MKRN1: variants seen among roughly 807,000 people sequenced by gnomAD.
MKRN1 encodes makorin ring finger protein 1.
MKRN1 carries 9 observed loss-of-function variants against 55.5 expected under a neutral mutation model. That is an observed-to-expected ratio of 0.16 (90% CI 0.10 to 0.28). The LOEUF is 0.28. MKRN1 is among the 10% of genes least tolerant of loss of function. MKRN1 has a pLI of 1.00. For synonymous variants in MKRN1, 253 were observed against 235.9 expected (o/e 1.07, Z -0.66); for missense variants, 488 against 626.7 (o/e 0.78, Z 2.36).
rs569389461 is a variant in MKRN1, at chr7:140,455,346, G to T, written c.1098-113C>A. On this transcript the variant is annotated intron_variant, in intron 6 of 7. Transcript: ENST00000255977. ...GATAGAACCAGTATGTCAGCTTACA[G>T]CCCTCCCCAAGATGTGTTCTTATAA... 12 of 1,316,590 alleles carry T rather than the reference G, an allele frequency of 9.1e-6. No homozygotes were observed. In the Admixed American group the frequency reaches 1.5e-4, roughly 16 times the overall value. The allele number at this position is 1,316,590 out of a possible 1,614,324, so 81.6% of individuals were successfully genotyped here.
chr7:140,461,515 A>G (rs1470478310), intron 2 of MKRN1, among the ~76,000 whole-genome samples: 2 of 151,090 alleles, frequency 1.3e-5, no homozygotes, highest in African/African-American at 4.9e-5. Context: ...CACCTGTAAT[A>G]CCAGCTACTC....
At chr7:140,455,333 A>G (rs1794437226) in intron 6 of MKRN1, 100 bp from the exon 7 acceptor site, 2 of 1,449,512 alleles carry the variant, frequency 1.4e-6, no homozygotes, top group South Asian at 1.3e-5. Context: ...TAGAACCAGT[A>G]TGTCAGCTTA....
At chr7:140,463,413 TTACA>T (rs1794677866) in intron 2 of MKRN1, among the ~76,000 whole-genome samples, 1 of 152,204 alleles carries the variant, frequency 6.6e-6, no homozygotes, top group Non-Finnish European at 1.5e-5. Flanking sequence ...CTCTTCAGAC[TTACA>T]TACAATTTTA....
chr7:140,455,047 A>G, intron 7 of MKRN1, 48 bp downstream of exon 7: 1 of 1,607,938 alleles, frequency 6.2e-7, no homozygotes, highest in Non-Finnish European at 8.5e-7. Context: ...GCAGGACTCA[A>G]CTGATACCTT....
rs1455208261 is a variant in MKRN1 at position 140,455,881 on chromosome 7, T to C, written c.1006A>G (p.Ile336Val). The C allele has an allele frequency of 6.2e-7, 1 of 1,613,928 alleles. No homozygotes were observed. Among genetic ancestry groups the C allele is most frequent in the East Asian group, 2.2e-5 (1 of 44,890 alleles). Residue 336 changes from isoleucine to valine, a missense_variant, in exon 6 of 8, where the codon ATC becomes GTC. Physicochemically the swap from Ile to Val is conservative, Grantham distance 29 (BLOSUM62 3). This residue lies in a region of MKRN1 where 278 missense variants were observed against 406.7 expected (regional missense o/e 0.68). Transcript: ENST00000255977. ...CTTGGAATGACAAAGTTAGATGTGA[T>C]CCGGCATTCTGGGCAGGACCTGGGA... ...KIIKSCPECR[I>V]TSNFVIPSEY...
chr7:140,454,841 T>C, intron 7 of MKRN1, 112 bp from the exon 8 acceptor site: 2 of 1,178,826 alleles, frequency 1.7e-6, no homozygotes, highest in Non-Finnish European at 2.4e-6. Flanking sequence ...ACCAGACTTC[T>C]TAGTTAGGGT....
intron 6 of MKRN1, 101 bp from the exon 7 acceptor site, chr7:140,455,334 T>G (rs550769125): frequency 6.9e-7 from 1 of 1,451,546 alleles, no homozygotes; most frequent in Non-Finnish European, 9.4e-7. Context: ...AGAACCAGTA[T>G]GTCAGCTTAC....
chr7:140,463,735 A>T (rs1233916339), intron 2 of MKRN1, among the ~76,000 whole-genome samples: 1 of 151,972 alleles, frequency 6.6e-6, no homozygotes, highest in Non-Finnish European at 1.5e-5. Context: ...AATACAAAAA[A>T]TTAGCCGGGC....
chr7:140,469,458 GACTTAGTA>G (rs1315202766), intron 2 of MKRN1, among the ~76,000 whole-genome samples: 2 of 152,154 alleles, frequency 1.3e-5, no homozygotes. Flanking sequence ...ATGTGGGCTG[GACTTAGTA>G]ACTTAGTCCA....
rs1159479204 is a variant in MKRN1, at chr7:140,454,171, T to C, written c.*346A>G. 3.2e-6 allele frequency: 1 copy of C among 315,874 alleles called. No homozygotes were observed. The highest frequency in any genetic ancestry group is 2.1e-5 in the African/African-American group (1 of 46,794). The allele number at this position is 315,874 out of a possible 1,614,324, so 19.6% of individuals were successfully genotyped here. A position where few individuals can be genotyped will look rare whatever the true frequency, so the allele number is the denominator to read the frequency against. On this transcript the variant is annotated 3_prime_UTR_variant, in exon 8 of 8. Coordinates refer to ENST00000255977, the MANE Select transcript of MKRN1 (RefSeq NM_013446.4). ...GACCCCAAAGCAGGGCCACTGCTTT[T>C]ACTTTTGAACCTGGGGTCCTCAAAA...
At position 140,459,773 on chromosome 7, in the gene MKRN1, C is replaced by T; in HGVS notation, c.478G>A (p.Gly160Arg). ...ESRNSNFATV[G>R]AGSEDWVNAI... ...TTCACCCAGTCCTCTGAACCTGCTCCTACAGTTGCAAAGTTTGAATTTCTT... is the reference window on the plus strand; with the variant it reads ...TTCACCCAGTCCTCTGAACCTGCTCTTACAGTTGCAAAGTTTGAATTTCTT... The change falls in exon 3 of 8, where the codon GGA becomes AGA. Residue 160 changes from glycine to arginine, a missense_variant. Physicochemically the swap from Gly to Arg is moderately radical, Grantham distance 125. Coordinates refer to ENST00000255977, the MANE Select transcript of MKRN1 (RefSeq NM_013446.4). 1.9e-6 allele frequency: 3 copies of T among 1,613,922 alleles called. No homozygotes were observed. The highest frequency in any genetic ancestry group is 2.5e-6 in the Non-Finnish European group (3 of 1,179,858).
At chr7:140,464,699 C>G (rs1163696492) in intron 2 of MKRN1, among the ~76,000 whole-genome samples, 1 of 151,120 alleles carries the variant, frequency 6.6e-6, no homozygotes, top group Non-Finnish European at 1.5e-5. Context: ...GAGTGAAACT[C>G]AGTCTCAAAA....
chr7:140,474,926 C>T (rs1022392709), intron 1 of MKRN1, among the ~76,000 whole-genome samples: 12 of 151,736 alleles, frequency 7.9e-5, no homozygotes, highest in Admixed American at 2.6e-4. Flanking sequence ...GTCATGTTGG[C>T]CAGGCTGGTC....
At position 140,455,231 on chromosome 7, in the gene MKRN1, T is replaced by C. The variant is rs1407763162; in HGVS notation, c.1100A>G (p.Asn367Ser). 1 of 1,614,054 alleles carries C rather than the reference T, an allele frequency of 6.2e-7. No individual in the cohort carries two copies. Among genetic ancestry groups the C allele is most frequent in the South Asian group, 1.1e-5 (1 of 91,076 alleles). ...LILKYKEAMS[N>S]KACRYFDEGR... ...TTCATCAAAATACCTGCACGCCTTG[T>C]TGCTGGAAAGGAAAATATCGCAACC... Residue 367 changes from asparagine (N) to serine (S), a missense_variant and splice_region_variant, in exon 7 of 8, where the codon AAC becomes AGC. This residue lies in a region of MKRN1 where 278 missense variants were observed against 406.7 expected (regional missense o/e 0.68). Coordinates refer to ENST00000255977, the MANE Select transcript of MKRN1 (RefSeq NM_013446.4).
chr7:140,457,713 T>A (rs1249601983), intron 4 of MKRN1, among the ~76,000 whole-genome samples: 9 of 150,854 alleles, frequency 6.0e-5, no homozygotes, highest in Admixed American at 5.3e-4. Context: ...AAAATAAAAA[T>A]AAAAAAAATA....
chr7:140,469,929 T>C lies in MKRN1; in HGVS notation c.314+1954A>G, dbSNP rs183951959. Among the ~76,000 whole-genome samples, 335 of 151,542 alleles carry C rather than the reference T, an allele frequency of 2.2e-3. 1 individual carries two copies. Among genetic ancestry groups the C allele is most frequent in the Non-Finnish European group, 2.7e-3 (182 of 67,934 alleles). ...TGAGTGTGGCGGTGCATGCCTGTAA[T>C]CCCAGCTACTCGGGAGGCTGAGGCA... On this transcript the variant is annotated intron_variant, in intron 2 of 7. Coordinates refer to ENST00000255977, the MANE Select transcript of MKRN1 (RefSeq NM_013446.4).
intron 2 of MKRN1, among the ~76,000 whole-genome samples, chr7:140,462,779 A>G (rs1383289541): frequency 2.6e-5 from 4 of 152,140 alleles, no homozygotes; most frequent in Non-Finnish European, 5.9e-5. Flanking sequence ...CCTGGCTAAC[A>G]CGGTGAAACC....
At chr7:140,455,350 TC>T in intron 6 of MKRN1, 117 bp from the exon 7 acceptor site, 1 of 1,264,356 alleles carries the variant, frequency 7.9e-7, no homozygotes, top group Non-Finnish European at 1.1e-6. Flanking sequence ...CTTACAGCCC[TC>T]CCCAAGATGT....
intron 3 of MKRN1, among the ~76,000 whole-genome samples, 166 bp from the exon 4 acceptor site, chr7:140,459,399 G>A (rs539278992): frequency 6.7e-6 from 1 of 149,238 alleles, no homozygotes; most frequent in South Asian, 2.1e-4. Flanking sequence ...TTCTACCGCT[G>A]TTATTTCCAA....
Sources: allele counts gnomAD v4.1 joint callset (sites outside exome capture counted in the v4.1 genomes callset), GRCh38; gene constraint gnomAD v4.1.1; regional missense constraint gnomAD v4.1.1; transcripts MANE v1.5; gene names NCBI Gene and HGNC (gene_info 2026-07-23, HGNC 2026-07-21).